Variants in PTPN13 observed in about 807,000 individuals in gnomAD.
PTPN13 encodes the protein tyrosine-protein phosphatase non-receptor type 13.
PTPN13 carries 191 observed loss-of-function variants against 284.0 expected under a neutral mutation model. That is an observed-to-expected ratio of 0.67 (90% CI 0.60 to 0.76). The LOEUF is 0.76. Among genes scored for constraint, PTPN13 ranks in the 30% least tolerant of loss-of-function variants. The probability of loss-of-function intolerance (pLI) is 0.00; values close to 1 mark genes in which losing one functional copy is unlikely to be tolerated. For missense variants in PTPN13, 2,797 were observed against 2,939.9 expected, an observed-to-expected ratio of 0.95 and a Z score of 1.12; for synonymous variants, 986 against 1,022.3, an observed-to-expected ratio of 0.96 and a Z score of 0.68.
chr4:86,677,225 C>T (rs956106295), intron 3 of PTPN13, among the ~76,000 whole-genome samples: 1 of 151,706 alleles, frequency 6.6e-6, no homozygotes, highest in African/African-American at 2.4e-5. Context: ...GGAGATCGCG[C>T]CACTGCACTC....
rs1745122773 is a variant in PTPN13, at chr4:86,810,633, AAT to A, written c.7300-411_7300-410del. 7.9e-5 allele frequency among the ~76,000 whole-genome samples: 12 copies of A among 152,308 alleles called. No individual in the cohort carries two copies. In the South Asian group the frequency reaches 2.5e-3, roughly 32 times the overall value. On this transcript the variant is annotated intron_variant, in intron 46 of 47. Transcript: ENST00000411767. ...TAGTAATTTAAGTAGGATGAAACCAAATAGTCTTTTTTTCCCTCATTTCCAAC... is the reference window on the plus strand; with the variant it reads ...TAGTAATTTAAGTAGGATGAAACCAAAGTCTTTTTTTCCCTCATTTCCAAC...
chr4:86,785,440 A>G, intron 39 of PTPN13, 72 bp downstream of exon 39: 1 of 1,329,492 alleles, frequency 7.5e-7, no homozygotes, highest in Non-Finnish European at 1.0e-6. Flanking sequence ...TTTTTTGAGT[A>G]AATATGTAAT....
intron 36 of PTPN13, among the ~76,000 whole-genome samples, chr4:86,781,581 C>T (rs1465389814): frequency 6.6e-6 from 1 of 152,158 alleles, no homozygotes; most frequent in Admixed American, 6.5e-5. Flanking sequence ...CATAGTTAAG[C>T]ACCTGTGATG....
chr4:86,787,007 A>G (rs1241515029), intron 40 of PTPN13, among the ~76,000 whole-genome samples: 1 of 151,942 alleles, frequency 6.6e-6, no homozygotes, highest in Non-Finnish European at 1.5e-5. Flanking sequence ...CGGGAGGCTG[A>G]GGCAGGAGAA....
intron 10 of PTPN13, 140 bp downstream of exon 10, chr4:86,722,574 G>T: frequency 1.6e-6 from 1 of 621,938 alleles, no homozygotes; most frequent in Non-Finnish European, 2.9e-6. Flanking sequence ...CATTTCCACT[G>T]GGATTAAATA....
intron 26 of PTPN13, 41 bp from the exon 27 acceptor site, chr4:86,766,390 AT>A (rs1294832573): frequency 6.9e-7 from 1 of 1,449,492 alleles, no homozygotes; most frequent in Non-Finnish European, 9.5e-7. Flanking sequence ...TTAAAAGAAC[AT>A]GTAGGATTTT....
chr4:86,725,344 C>T (rs373713904), intron 10 of PTPN13, among the ~76,000 whole-genome samples: 14 of 149,152 alleles, frequency 9.4e-5, no homozygotes, highest in African/African-American at 3.2e-4. Flanking sequence ...GTAATAGGAT[C>T]GCTGGGTCAA....
chr4:86,688,211 G>T (rs1351210607), intron 4 of PTPN13, among the ~76,000 whole-genome samples: 1 of 152,142 alleles, frequency 6.6e-6, no homozygotes, highest in Non-Finnish European at 1.5e-5. Context: ...ATAAGAAGTG[G>T]AAGAGTCATA....
intron 1 of PTPN13, among the ~76,000 whole-genome samples, chr4:86,616,646 G>T (rs781200724): frequency 1.2e-4 from 18 of 152,132 alleles, no homozygotes; most frequent in Non-Finnish European, 1.5e-4. Flanking sequence ...TTGTTTAAAA[G>T]TATGTGACAC....
chr4:86,679,290 C>T (rs1728628194), intron 3 of PTPN13, among the ~76,000 whole-genome samples: 1 of 152,198 alleles, frequency 6.6e-6, no homozygotes, highest in Non-Finnish European at 1.5e-5. Context: ...CTATTGTTCT[C>T]TCTGTGTACT....
At chr4:86,667,165 T>C (rs1290740284) in intron 2 of PTPN13, among the ~76,000 whole-genome samples, 2 of 152,264 alleles carry the variant, frequency 1.3e-5, no homozygotes, top group Non-Finnish European at 2.9e-5. Flanking sequence ...GGGATTTGGA[T>C]GATTAGCAAG....
Position 86,753,081 on chromosome 4 carries a change from G to C in PTPN13, c.3223+16G>C, listed in dbSNP as rs72872260. On this transcript the variant is annotated intron_variant, in intron 20 of 47. Coordinates refer to ENST00000411767, the MANE Select transcript of PTPN13 (RefSeq NM_080683.3). ...AAAGAAAATGGTAGGTTTACAAAAT[G>C]TTTTTCCCCTCATTTCCATCATTTC... 2.6e-3 allele frequency: 4,149 copies of C among 1,588,180 alleles called. 104 individuals are homozygous for C. The African/African-American group carries it at 0.047, about 18-fold the overall frequency.
At chr4:86,784,635 CTT>C (rs1741694955) in intron 38 of PTPN13, 77 bp downstream of exon 38, 2 of 861,300 alleles carry the variant, frequency 2.3e-6, no homozygotes, top group South Asian at 3.2e-5. Flanking sequence ...TAGGTATCCT[CTT>C]TTCTTTGCTT....
At position 86,716,645 on chromosome 4, in the gene PTPN13, A is replaced by C. The variant is rs1339777374; in HGVS notation, c.1291+20A>C. 2 of 1,455,724 alleles carry C rather than the reference A, an allele frequency of 1.4e-6. No homozygotes were observed. Among genetic ancestry groups the C allele is most frequent in the South Asian group, 2.5e-5 (2 of 79,016 alleles). The allele number at this position is 1,455,724 out of a possible 1,614,324, so 90.2% of individuals were successfully genotyped here. On this transcript the variant is annotated intron_variant, in intron 8 of 47. Coordinates refer to ENST00000411767, the MANE Select transcript of PTPN13 (RefSeq NM_080683.3). ...GACAAGGTAGGAGGCATCTGAAACA[A>C]GCAAACTGTTTTTAAGAAACCACGA...
chr4:86,727,610 T>C (rs1338938711), intron 10 of PTPN13, among the ~76,000 whole-genome samples: 1 of 149,572 alleles, frequency 6.7e-6, no homozygotes, highest in Non-Finnish European at 1.5e-5. Context: ...TAGAGGTGTT[T>C]ATAGTATTCT....
At chr4:86,638,912 A>C (rs1025547855) in intron 2 of PTPN13, among the ~76,000 whole-genome samples, 6 of 152,324 alleles carry the variant, frequency 3.9e-5, no homozygotes, top group African/African-American at 1.4e-4. Context: ...AATGGGAGAA[A>C]ATGTTCGCAA....
At position 86,737,230 on chromosome 4, in the gene PTPN13, C is replaced by T. The variant is rs62308420; in HGVS notation, c.2304+1484C>T. ...TCCAGCCTAAGTAACAGAACAAGACCCCATCTCAAATAAAATAAAATAAAA... is the reference window on the plus strand; with the variant it reads ...TCCAGCCTAAGTAACAGAACAAGACTCCATCTCAAATAAAATAAAATAAAA... On this transcript the variant is annotated intron_variant, in intron 15 of 47. Coordinates refer to ENST00000411767, the MANE Select transcript of PTPN13 (RefSeq NM_080683.3). Among the ~76,000 whole-genome samples the T allele has an allele frequency of 4.6e-3, 673 of 146,826 alleles. 6 individuals carry two copies. Among genetic ancestry groups the T allele is most frequent in the Non-Finnish European group, 8.6e-3 (566 of 65,912 alleles).
intron 40 of PTPN13, 31 bp from the exon 41 acceptor site, chr4:86,796,843 C>A: frequency 7.3e-7 from 1 of 1,373,822 alleles, no homozygotes; most frequent in Middle Eastern, 1.8e-4. Flanking sequence ...TTACAATGGG[C>A]TGATTTGATT....
rs761441226 is a variant in PTPN13 at position 86,734,879 on chromosome 4, G to T, written c.2151+4G>T. On this transcript the variant is annotated splice_donor_region_variant and intron_variant, in intron 14 of 47. Coordinates refer to ENST00000411767, the MANE Select transcript of PTPN13 (RefSeq NM_080683.3). Reference sequence around the variant, plus strand: ...GTATGGAGATTATCAACCAGAGGTAGGATTTGTGTTTTTTTCCAGGACCAT... The same window carrying T: ...GTATGGAGATTATCAACCAGAGGTATGATTTGTGTTTTTTTCCAGGACCAT... The T allele has an allele frequency of 6.2e-7, 1 of 1,608,140 alleles. No homozygotes were observed. Among genetic ancestry groups the T allele is most frequent in the South Asian group, 1.1e-5 (1 of 90,460 alleles).
Sources: allele counts gnomAD v4.1 joint callset (sites outside exome capture counted in the v4.1 genomes callset), GRCh38; gene constraint gnomAD v4.1.1; transcripts MANE v1.5; gene names NCBI Gene and HGNC (gene_info 2026-07-23, HGNC 2026-07-21).